The following GALK2 variants were observed in gnomAD, a reference collection of about 807,000 sequenced individuals.
The protein encoded by GALK2 is N-acetylgalactosamine kinase.
Under a neutral mutation model 52.4 loss-of-function variants are expected in GALK2, and 36 were observed. The observed-to-expected ratio is 0.69, with a 90% CI of 0.53 to 0.91. The LOEUF is 0.91. GALK2 is among the 40% of genes least tolerant of loss of function. The pLI is 0.00. For synonymous variants in GALK2, 176 were observed against 199.1 expected (o/e 0.88, Z 0.98); for missense variants, 579 against 559.1 (o/e 1.04, Z -0.36).
chr15:49,317,911 G>A (rs1486008883), intron 8 of GALK2, among the ~76,000 whole-genome samples: 1 of 152,118 alleles, frequency 6.6e-6, no homozygotes, highest in African/African-American at 2.4e-5. Flanking sequence ...GCCTGTCAGT[G>A]GGTTGGGAGC....
At chr15:49,182,521 G>A (rs2086052873) in intron 1 of GALK2, among the ~76,000 whole-genome samples, 1 of 151,944 alleles carries the variant, frequency 6.6e-6, no homozygotes. Flanking sequence ...TGGGATTCCT[G>A]GATCATAAGG....
chr15:49,365,548 T>C (rs912316397), intron 3 of GALK2: 1 of 881,298 alleles, frequency 1.1e-6, no homozygotes. Context: ...TGTTTCAGTA[T>C]TTTCAAAAGG....
At position 49,365,690 on chromosome 15, in the gene GALK2, G is replaced by A. The variant is rs2045036438; in HGVS notation, c.427-1801G>A. The A allele has an allele frequency of 6.6e-6, 6 of 914,462 alleles. No homozygotes were observed. In the South Asian group the frequency reaches 7.8e-5, roughly 12 times the overall value. 56.6% of individuals were successfully genotyped at this position (914,462 alleles called of 1,614,324 possible). On this transcript the variant is annotated intron_variant, in intron 3 of 3. Coordinates refer to the GALK2 transcript ENST00000558399. ...CATGACTTGAAGCTGGCCAACTTCA[G>A]TGTTTTAATTAAATTCAGACAGAAA...
Position 49,337,440 on chromosome 15 carries a change from G to A in GALK2, c.426+17635G>A, listed in dbSNP as rs547128719. Among the ~76,000 whole-genome samples the A allele has an allele frequency of 7.0e-5, 9 of 128,898 alleles. No individual in the cohort carries two copies. The South Asian group carries it at 1.0e-3, about 15-fold the overall frequency. The allele number at this position is 128,898 out of a possible 152,430, so 84.6% of individuals were successfully genotyped here. A position where few individuals can be genotyped will look rare whatever the true frequency, so the allele number is the denominator to read the frequency against. ...TTTTCGTTTGCATTTCTCTGCTGAC[G>A]AGTGATGCTAAGCATTTTTGCATAT... On this transcript the variant is annotated intron_variant, in intron 3 of 3. Coordinates refer to the GALK2 transcript ENST00000558399.
chr15:49,156,926 T>C, intron 1 of GALK2: 1 of 397,908 alleles, frequency 2.5e-6, no homozygotes, highest in Non-Finnish European at 4.6e-6. Flanking sequence ...CATATTAAAT[T>C]ATGTTAATTA....
In GALK2 at chr15:49,319,639, G is replaced by A; in HGVS notation, c.1003G>A (p.Val335Met). Residue 335 changes from valine to methionine, a missense_variant, in exon 9 of 10, where the codon GTG becomes ATG. Transcript: ENST00000560031. ...CAAACTCTATCAGCGGGCAAAGCAT[G>A]TGTACAGCGAGGCTGCGCGAGTGCT... ...IFKLYQRAKH[V>M]YSEAARVLQF... 4.3e-6 allele frequency: 7 copies of A among 1,614,198 alleles called. No homozygotes were observed. The highest frequency in any genetic ancestry group is 5.9e-6 in the Non-Finnish European group (7 of 1,180,042).
At position 49,328,734 on chromosome 15, in the gene GALK2, A is replaced by T. The variant is rs1467123845; in HGVS notation, c.*575A>T. Reference sequence around the variant, plus strand: ...ATCTTCTTGGACATTGTATAATTGAATTTGAATGTGAGATTTCTCCAGTTA... The same window carrying T: ...ATCTTCTTGGACATTGTATAATTGATTTTGAATGTGAGATTTCTCCAGTTA... On this transcript the variant is annotated 3_prime_UTR_variant, in exon 10 of 10. Transcript: ENST00000560031. 1 of 1,511,004 alleles carries T rather than the reference A, an allele frequency of 6.6e-7. No individual in the cohort carries two copies. The highest frequency in any genetic ancestry group is 8.9e-7 in the Non-Finnish European group (1 of 1,124,508). 93.6% of individuals were successfully genotyped at this position (1,511,004 alleles called of 1,614,324 possible).
intron 3 of GALK2, among the ~76,000 whole-genome samples, chr15:49,223,811 C>A (rs1198764304): frequency 6.6e-6 from 1 of 151,890 alleles, no homozygotes; most frequent in Non-Finnish European, 1.5e-5. Flanking sequence ...TGCGTTGATT[C>A]CATGTGTTTG....
chr15:49,221,309 CCAG>C (rs2089776619), intron 3 of GALK2, among the ~76,000 whole-genome samples: 1 of 152,034 alleles, frequency 6.6e-6, no homozygotes, highest in Admixed American at 6.6e-5. Flanking sequence ...TTGAGTTTTC[CCAG>C]CACCATTTAT....
rs2038244584 is a variant in GALK2, at chr15:49,329,759, A to G, written c.*1600A>G. The G allele has an allele frequency of 1.0e-6, 1 of 972,178 alleles. No individual in the cohort carries two copies. Among genetic ancestry groups the G allele is most frequent in the African/African-American group, 1.8e-5 (1 of 56,880 alleles). The allele number at this position is 972,178 out of a possible 1,614,324, so 60.2% of individuals were successfully genotyped here. On this transcript the variant is annotated 3_prime_UTR_variant, in exon 10 of 10. Coordinates refer to ENST00000560031, the MANE Select transcript of GALK2 (RefSeq NM_002044.4). ...TTTAATACCGTGCCATTTTCCACAA[A>G]GGATTTGTGGTTGGTATATAATTCT...
intron 3 of GALK2, among the ~76,000 whole-genome samples, chr15:49,228,687 A>ATATGTATATATATATATATATACATATAT (rs1555409061): frequency 1.4e-4 from 2 of 14,276 alleles, no homozygotes; most frequent in East Asian, 1.3e-3. Flanking sequence ...ATATATATAT[A>ATATGTATATATATATATATATACATATAT]TTTTTTTTTT....
chr15:49,175,980 G>C (rs938206163), intron 1 of GALK2, among the ~76,000 whole-genome samples: 1 of 152,184 alleles, frequency 6.6e-6, no homozygotes, highest in Non-Finnish European at 1.5e-5. Flanking sequence ...GCTCACTCGG[G>C]GAGCTCGGCT....
intron 3 of GALK2, among the ~76,000 whole-genome samples, chr15:49,221,858 T>C (rs1043036989): frequency 2.4e-4 from 37 of 152,126 alleles, no homozygotes; most frequent in African/African-American, 8.7e-4. Context: ...GCTTTGTTCT[T>C]TTTCCTCAGG....
chr15:49,215,936 G>A (rs960008119), intron 2 of GALK2, among the ~76,000 whole-genome samples: 4 of 152,178 alleles, frequency 2.6e-5, no homozygotes, highest in South Asian at 4.1e-4. Flanking sequence ...CCTGTGGTCC[G>A]TATGGGCATA....
intron 5 of GALK2, among the ~76,000 whole-genome samples, chr15:49,271,977 C>T (rs980965584): frequency 2.6e-5 from 4 of 152,194 alleles, no homozygotes; most frequent in Admixed American, 6.5e-5. Flanking sequence ...CCTCCTAGAA[C>T]TTATGGTCAA....
intron 5 of GALK2, among the ~76,000 whole-genome samples, chr15:49,270,049 GT>G (rs1199475979): frequency 4.6e-5 from 7 of 152,092 alleles, no homozygotes; most frequent in African/African-American, 1.7e-4. Context: ...ATGTACTCTT[GT>G]TTATCATCGC....
chr15:49,299,995 A>G (rs2034967967), intron 8 of GALK2, among the ~76,000 whole-genome samples: 1 of 151,594 alleles, frequency 6.6e-6, no homozygotes, highest in Non-Finnish European at 1.5e-5. Context: ...AGTCCCTAAT[A>G]TCTTTGTTAG....
intron 2 of GALK2, among the ~76,000 whole-genome samples, chr15:49,206,926 G>C (rs554701662): frequency 6.6e-6 from 1 of 152,276 alleles, no homozygotes; most frequent in South Asian, 2.1e-4. Flanking sequence ...AGTTCTCAGA[G>C]GGAATGCTTT....
At chr15:49,278,222 C>T (rs903719735) in intron 5 of GALK2, among the ~76,000 whole-genome samples, 1 of 152,222 alleles carries the variant, frequency 6.6e-6, no homozygotes, top group African/African-American at 2.4e-5. Flanking sequence ...GATCGCACCA[C>T]TGTACTCCAG....
Sources: allele counts gnomAD v4.1 joint callset (sites outside exome capture counted in the v4.1 genomes callset), GRCh38; gene constraint gnomAD v4.1.1; transcripts MANE v1.5; gene names NCBI Gene and HGNC (gene_info 2026-07-23, HGNC 2026-07-21).